The following TAF12 variants were observed in gnomAD, a reference collection of about 807,000 sequenced individuals.
TAF12 encodes TATA-box binding protein associated factor 12, also known as transcription initiation factor TFIID subunit 12.
In TAF12, 3 loss-of-function variants were observed where a neutral mutation model predicts 20.8. The observed-to-expected ratio is 0.14, with a 90% CI of 0.07 to 0.37. The LOEUF (loss-of-function observed/expected upper bound fraction) is 0.37. Ranked by LOEUF, TAF12 falls within the 10% of genes least tolerant of loss-of-function variation. TAF12 has a pLI of 1.00. For missense variants in TAF12, 131 were observed against 197.9 expected (o/e 0.66, Z 2.03); for synonymous variants, 69 against 70.2 (o/e 0.98, Z 0.09).
At chr1:28,626,589 A>G (rs1667404519) in intron 1 of TAF12, among the ~76,000 whole-genome samples, 1 of 151,574 alleles carries the variant, frequency 6.6e-6, no homozygotes, top group South Asian at 2.1e-4. Context: ...CTCAAAAAAA[A>G]AAAAAAAAAA....
intron 1 of TAF12, among the ~76,000 whole-genome samples, chr1:28,635,256 A>C (rs2124377826): frequency 6.7e-6 from 1 of 150,016 alleles, no homozygotes; most frequent in African/African-American, 2.4e-5. Flanking sequence ...AAATAAAAAA[A>C]ACCACATCTA....
Position 28,631,229 on chromosome 1 carries a change from T to C in TAF12, c.-84-9064A>G, listed in dbSNP as rs776696086. 3.6e-4 allele frequency among the ~76,000 whole-genome samples: 54 copies of C among 150,648 alleles called. No homozygotes were observed. In the Middle Eastern group the frequency reaches 0.014, roughly 38 times the overall value. On this transcript the variant is annotated intron_variant, in intron 1 of 5. Coordinates refer to ENST00000373824, the MANE Select transcript of TAF12 (RefSeq NM_005644.4). ...GAAAATAACAACCCAATTTAGAAAA[T>C]GGGCAGACTCGGCCAGGCATGGTGG...
Position 28,613,234 on chromosome 1 carries a change from C to T in TAF12, c.361+13G>A. The T allele has an allele frequency of 1.9e-6, 3 of 1,596,100 alleles. No individual in the cohort carries two copies. Among genetic ancestry groups the T allele is most frequent in the Non-Finnish European group, 2.6e-6 (3 of 1,170,140 alleles). The stretch of plus-strand genomic sequence containing the variant: ...GTTGAATCCATACTTCAGGGAGAAA[C>T]AAGACCACATACCTAAATGCAGCTG... On this transcript the variant is annotated intron_variant, in intron 4 of 5. Coordinates refer to ENST00000373824, the MANE Select transcript of TAF12 (RefSeq NM_005644.4).
chr1:28,612,499 TATATATAAAAATTATATATAA>T (rs1259031148), intron 4 of TAF12, among the ~76,000 whole-genome samples: 1 of 146,298 alleles, frequency 6.8e-6, no homozygotes, highest in Non-Finnish European at 1.5e-5. Flanking sequence ...TATATACAAA[TATATATAAAAATTATATATAA>T]ATATATATAA....
At chr1:28,605,957 G>T (rs921212157) in intron 4 of TAF12, among the ~76,000 whole-genome samples, 1 of 152,070 alleles carries the variant, frequency 6.6e-6, no homozygotes, top group African/African-American at 2.4e-5. Context: ...TCAGCCTCCT[G>T]AGTAGCTGGG....
At chr1:28,647,189 G>A (rs1668213979), upstream of TAF12, among the ~76,000 whole-genome samples, 3 of 152,062 alleles carry the variant, frequency 2.0e-5, no homozygotes. Flanking sequence ...AAGCAGTCTG[G>A]CAAGATAAAC....
intron 3 of TAF12, among the ~76,000 whole-genome samples, 157 bp from the exon 4 acceptor site, chr1:28,613,518 A>G (rs113429713): frequency 6.4e-4 from 97 of 152,342 alleles, no homozygotes; most frequent in African/African-American, 2.2e-3. Flanking sequence ...AGGAATGAGA[A>G]GGACAAAAGA....
chr1:28,645,039 C>CTTT (rs546596213), upstream of TAF12, among the ~76,000 whole-genome samples: 2 of 143,446 alleles, frequency 1.4e-5, no homozygotes, highest in African/African-American at 5.1e-5. Context: ...GATGAATTTT[C>CTTT]TTTTTTTTTT....
rs1667239315 is a variant in TAF12 at position 28,622,088 on chromosome 1, CCGA to C, written c.-10_-8del. On this transcript the variant is annotated 5_prime_UTR_variant, in exon 2 of 6. Coordinates refer to ENST00000373824, the MANE Select transcript of TAF12 (RefSeq NM_005644.4). ...AGGGGCCAAACTGGTTCATAATCTG[CCGA>C]GCTTTGGACTTCAGCTCATAGAGCT... 2 of 1,609,786 alleles carry C rather than the reference CCGA, an allele frequency of 1.2e-6. No individual in the cohort carries two copies. Among genetic ancestry groups the C allele is most frequent in the African/African-American group, 1.3e-5 (1 of 74,722 alleles).
At chr1:28,633,937 G>C (rs1667729504) in intron 1 of TAF12, among the ~76,000 whole-genome samples, 2 of 147,462 alleles carry the variant, frequency 1.4e-5, no homozygotes, top group African/African-American at 5.0e-5. Flanking sequence ...AAAAAAATTA[G>C]CCAGGTGTGG....
intron 1 of TAF12, among the ~76,000 whole-genome samples, chr1:28,635,276 CTTTTTTTTTT>C (rs1179724707): frequency 9.9e-6 from 1 of 100,636 alleles, no homozygotes; most frequent in African/African-American, 3.6e-5. Context: ...ATCCTCCCTC[CTTTTTTTTTT>C]TTTTTTTTTT....
intron 5 of TAF12, among the ~76,000 whole-genome samples, chr1:28,605,082 C>T (rs978916082): frequency 1.3e-4 from 20 of 152,236 alleles, no homozygotes; most frequent in African/African-American, 2.2e-4. Flanking sequence ...TATGGTGGGG[C>T]GAGCTGCATC....
At chr1:28,641,630 C>G (rs1668036704) in intron 1 of TAF12, among the ~76,000 whole-genome samples, 2 of 151,850 alleles carry the variant, frequency 1.3e-5, no homozygotes, top group Non-Finnish European at 2.9e-5. Context: ...CCTGTTTCTA[C>G]AAAAAATTTA....
chr1:28,631,551 T>C (rs1667619602), intron 1 of TAF12, among the ~76,000 whole-genome samples: 1 of 151,584 alleles, frequency 6.6e-6, no homozygotes, highest in Non-Finnish European at 1.5e-5. Flanking sequence ...ATGGGCAGAC[T>C]GGGCATGATG....
intron 3 of TAF12, among the ~76,000 whole-genome samples, chr1:28,617,592 G>A (rs1487458161): frequency 2.0e-5 from 3 of 151,540 alleles, no homozygotes; most frequent in East Asian, 1.9e-4. Flanking sequence ...GACTACAGGC[G>A]CCCGCCACCA....
chr1:28,630,114 T>C (rs1004710790), intron 1 of TAF12, among the ~76,000 whole-genome samples: 2 of 152,110 alleles, frequency 1.3e-5, no homozygotes, highest in Non-Finnish European at 2.9e-5. Context: ...TCATTTTATA[T>C]TTTTTATTTT....
intron 2 of TAF12, among the ~76,000 whole-genome samples, chr1:28,620,458 C>T (rs1385311233): frequency 6.9e-6 from 1 of 145,594 alleles, no homozygotes; most frequent in East Asian, 2.1e-4. Context: ...TTTTTTGCAA[C>T]AGAGTCTCGC....
intron 1 of TAF12, among the ~76,000 whole-genome samples, chr1:28,635,060 T>TAA (rs1383374621): frequency 7.2e-6 from 1 of 138,970 alleles, no homozygotes; most frequent in Non-Finnish European, 1.6e-5. Flanking sequence ...TCACCTCTAC[T>TAA]AAAAAAAAAA....
At chr1:28,644,135 G>C (rs4252956), upstream of TAF12, among the ~76,000 whole-genome samples, 1,266 of 152,170 alleles carry the variant, frequency 8.3e-3, 11 homozygotes, top group African/African-American at 0.029. Context: ...TCCAGCATCT[G>C]TAAGGTTCAC....
Sources: allele counts gnomAD v4.1 joint callset (sites outside exome capture counted in the v4.1 genomes callset), GRCh38; gene constraint gnomAD v4.1.1; transcripts MANE v1.5; gene names NCBI Gene and HGNC (gene_info 2026-07-23, HGNC 2026-07-21).